Variants in CHRNA1 observed in about 807,000 individuals in gnomAD.
CHRNA1 encodes acetylcholine receptor subunit alpha.
In CHRNA1, 35 loss-of-function variants were observed where a neutral mutation model predicts 47.1. The observed-to-expected ratio is 0.74, with a 90% confidence interval of 0.57 to 0.99. The LOEUF is 0.99. Among genes scored for constraint, CHRNA1 ranks in the 50% least tolerant of loss-of-function variants. The probability of loss-of-function intolerance (pLI) is 0.00; values close to 1 mark genes in which losing one functional copy is unlikely to be tolerated. For missense variants in CHRNA1, 506 were observed against 591.1 expected (o/e 0.86, Z 1.49); for synonymous variants, 229 against 223.6 (o/e 1.02, Z -0.22).
rs1322534480 is a variant in CHRNA1 at position 174,757,619 on chromosome 2, T to G, written c.291A>C (p.Lys97Asn). The change falls in exon 4 of 9, where the codon AAA becomes AAC. Residue 97 changes from lysine to asparagine, a missense_variant. By Grantham distance (94) the Lys-to-Asn change is moderately conservative. Coordinates refer to ENST00000348749, the MANE Select transcript of CHRNA1 (RefSeq NM_000079.4). ...AGATCTTTTCTGAAGGAATGTGAAT[T>G]TTTTTCACACCGCCATAGTCATCTG... ...WNPDDYGGVKKIHIPSEKIWR... is the reference protein window; with the variant it reads ...WNPDDYGGVKNIHIPSEKIWR... 2 of 1,614,070 alleles carry G rather than the reference T, an allele frequency of 1.2e-6. No homozygotes were observed. Among genetic ancestry groups the G allele is most frequent in the Admixed American group, 1.7e-5 (1 of 60,000 alleles).
At chr2:174,758,441 A>C (rs1684027133) in intron 3 of CHRNA1, among the ~76,000 whole-genome samples, 1 of 152,158 alleles carries the variant, frequency 6.6e-6, no homozygotes, top group Admixed American at 6.5e-5. Context: ...AGGATCCCAA[A>C]TCTGAAATCC....
intron 3 of CHRNA1, among the ~76,000 whole-genome samples, chr2:174,758,457 G>T (rs1431648205): frequency 2.6e-5 from 4 of 152,066 alleles, no homozygotes; most frequent in Admixed American, 2.6e-4. Context: ...AATCCAAAAT[G>T]CTCCGAAATC....
At chr2:174,749,271 A>G (rs1413602498) in intron 7 of CHRNA1, among the ~76,000 whole-genome samples, 1 of 152,214 alleles carries the variant, frequency 6.6e-6, no homozygotes, top group African/African-American at 2.4e-5. Context: ...AGGTATTGCC[A>G]GCAGTCATCT....
At position 174,748,655 on chromosome 2, in the gene CHRNA1, G is replaced by T; in HGVS notation, c.1167C>A (p.His389Gln). The T allele has an allele frequency of 6.2e-7, 1 of 1,614,212 alleles. No homozygotes were observed. The highest frequency in any genetic ancestry group is 2.2e-5 in the East Asian group (1 of 44,884). Residue 389 changes from histidine (H) to glutamine (Q), a missense_variant, in exon 8 of 9, where the codon CAC becomes CAA. Physicochemically the swap from His to Gln is conservative, Grantham distance 24. Coordinates refer to ENST00000348749, the MANE Select transcript of CHRNA1 (RefSeq NM_000079.4). Reference sequence around the variant, plus strand: ...CCTCGATGGCACTTTTCACCTCGGGGTGTTTGATCAGGGGAGAGTGGAAGC... The same window carrying T: ...CCTCGATGGCACTTTTCACCTCGGGTTGTTTGATCAGGGGAGAGTGGAAGC... The part of the protein sequence containing the change: ...PMGFHSPLIK[H>Q]PEVKSAIEGI...
intron 6 of CHRNA1, 190 bp downstream of exon 6, chr2:174,753,312 GC>G: frequency 2.7e-6 from 2 of 750,262 alleles, no homozygotes. Flanking sequence ...CGGGGTGTCT[GC>G]CCCAGCTGTG....
chr2:174,748,239 T>C lies in CHRNA1; in HGVS notation c.1259A>G (p.Lys420Arg). Residue 420 changes from lysine to arginine, a missense_variant, in exon 9 of 9, where the codon AAG becomes AGG. By Grantham distance (26) the Lys-to-Arg change is conservative (BLOSUM62 2). Coordinates refer to ENST00000348749, the MANE Select transcript of CHRNA1 (RefSeq NM_000079.4). Reference protein sequence around the residue: ...QESNNAAAEWKYVAMVMDHIL... With the variant: ...QESNNAAAEWRYVAMVMDHIL... ...GTGGTCCATCACCATTGCAACGTAC[T>C]TCCACTCTGCCGCCGCCTGGGAGAG... The C allele has an allele frequency of 1.2e-6, 2 of 1,614,124 alleles. No homozygotes were observed. The highest frequency in any genetic ancestry group is 1.7e-6 in the Non-Finnish European group (2 of 1,180,028).
chr2:174,752,528 C>T (rs557392596), intron 6 of CHRNA1, among the ~76,000 whole-genome samples: 1 of 152,058 alleles, frequency 6.6e-6, no homozygotes, highest in Non-Finnish European at 1.5e-5. Context: ...CGTGATCATG[C>T]CACTGTACTG....
Position 174,753,717 on chromosome 2 carries a change from G to T in CHRNA1, c.564C>A (p.Ser188Arg). 6.2e-7 allele frequency: 1 copy of T among 1,614,126 alleles called. No individual in the cohort carries two copies. Among genetic ancestry groups the T allele is most frequent in the Non-Finnish European group, 8.5e-7 (1 of 1,180,000 alleles). The change falls in exon 6 of 9, where the codon AGC becomes AGA. Residue 188 changes from serine (S) to arginine (R), a missense_variant. Ser to Arg is a moderately radical substitution (Grantham distance 110). Transcript: ENST00000348749. ...CCCACTCCCCGCTCTCCATGAAGTT[G>T]CTCAGGTCTGGCTGGTCGCTTTCCT... Reference protein sequence around the residue: ...INPESDQPDLSNFMESGEWVI... With the variant: ...INPESDQPDLRNFMESGEWVI...
At chr2:174,749,048 A>G (rs1371677657) in intron 7 of CHRNA1, among the ~76,000 whole-genome samples, 1 of 152,178 alleles carries the variant, frequency 6.6e-6, no homozygotes, top group Admixed American at 6.5e-5. Flanking sequence ...TAATGTGAGA[A>G]GTTCGCCACT....
In CHRNA1 at chr2:174,759,340, A is replaced by G. The variant is rs1223271897; in HGVS notation, c.225T>C (p.Arg75=). Residue 75 remains arginine (R), a synonymous_variant, in exon 3 of 9, where the codon CGT becomes CGC. Coordinates refer to ENST00000348749, the MANE Select transcript of CHRNA1 (RefSeq NM_000079.4). ...TATCTGGCTAAGTTACCTGTTTCAG[A>G]CGCACATTGGTTGTCACGATCTGAT... The part of the protein sequence containing the change: ...EVNQIVTTNV[R]LKQQWVDYNL... 6 of 1,614,132 alleles carry G rather than the reference A, an allele frequency of 3.7e-6. No individual in the cohort carries two copies. Among genetic ancestry groups the G allele is most frequent in the Non-Finnish European group, 5.1e-6 (6 of 1,180,018 alleles).
chr2:174,755,851 C>G (rs1363041154), intron 4 of CHRNA1, among the ~76,000 whole-genome samples: 1 of 152,166 alleles, frequency 6.6e-6, no homozygotes, highest in Non-Finnish European at 1.5e-5. Context: ...GCCTGGCCAA[C>G]AGCGAGACCT....
intron 8 of CHRNA1, 81 bp downstream of exon 8, chr2:174,748,499 T>C (rs1683779614): frequency 6.5e-7 from 1 of 1,547,300 alleles, no homozygotes; most frequent in South Asian, 1.2e-5. Flanking sequence ...GCCACCTACT[T>C]GTTAAGTCAG....
chr2:174,756,620 A>T (rs763542326), intron 4 of CHRNA1, among the ~76,000 whole-genome samples: 2 of 152,228 alleles, frequency 1.3e-5, no homozygotes. Context: ...AAACTGAAAG[A>T]TACTTCATCA....
intron 1 of CHRNA1, among the ~76,000 whole-genome samples, chr2:174,763,128 C>T (rs1376866): frequency 0.75 from 113,545 of 152,082 alleles, 45,490 homozygotes; most frequent in East Asian, 0.93. Context: ...TTCTATAAAA[C>T]ACCCATGGAA....
chr2:174,752,321 A>C (rs1683870384), intron 6 of CHRNA1, among the ~76,000 whole-genome samples: 1 of 151,864 alleles, frequency 6.6e-6, no homozygotes, highest in Admixed American at 6.5e-5. Flanking sequence ...CTGTAATCCC[A>C]GCACTTTGGG....
At position 174,757,629 on chromosome 2, in the gene CHRNA1, C is replaced by A. The variant is rs1317857828; in HGVS notation, c.281G>T (p.Gly94Val). Residue 94 changes from glycine to valine, a missense_variant, in exon 4 of 9, where the codon GGT becomes GTT. Transcript: ENST00000348749. The stretch of plus-strand genomic sequence containing the variant: ...TGAAGGAATGTGAATTTTTTTCACA[C>A]CGCCATAGTCATCTGGATTCCATTT... Reference protein sequence around the residue: ...NLKWNPDDYGGVKKIHIPSEK... With the variant: ...NLKWNPDDYGVVKKIHIPSEK... The A allele has an allele frequency of 6.2e-7, 1 of 1,614,194 alleles. No individual in the cohort carries two copies. Among genetic ancestry groups the A allele is most frequent in the South Asian group, 1.1e-5 (1 of 91,086 alleles).
intron 3 of CHRNA1, among the ~76,000 whole-genome samples, 199 bp downstream of exon 3, chr2:174,759,128 AAACT>A (rs1046589846): frequency 1.3e-5 from 2 of 152,158 alleles, no homozygotes; most frequent in African/African-American, 4.8e-5. Flanking sequence ...CAGCCCTAGC[AAACT>A]AACACACACA....
chr2:174,755,171 C>G (rs145966636), intron 4 of CHRNA1, among the ~76,000 whole-genome samples: 3 of 152,036 alleles, frequency 2.0e-5, no homozygotes, highest in Non-Finnish European at 2.9e-5. Flanking sequence ...AGGAGTGAGC[C>G]ACCGTGCCTG....
intron 7 of CHRNA1, among the ~76,000 whole-genome samples, chr2:174,749,301 G>A (rs951046387): frequency 5.9e-5 from 9 of 151,886 alleles, no homozygotes; most frequent in African/African-American, 2.2e-4. Flanking sequence ...TACAGAAACA[G>A]GGACTCTTAC....
Sources: allele counts gnomAD v4.1 joint callset (sites outside exome capture counted in the v4.1 genomes callset), GRCh38; gene constraint gnomAD v4.1.1; transcripts MANE v1.5; gene names NCBI Gene and HGNC (gene_info 2026-07-23, HGNC 2026-07-21).